Variants in ERICH1 observed in about 807,000 individuals in gnomAD.
The protein encoded by ERICH1 is glutamate-rich protein 1.
In ERICH1, 56 loss-of-function variants were observed where a neutral mutation model predicts 39.6. The observed-to-expected ratio is 1.41, with a 90% CI of 1.14 to 1.77. The LOEUF (loss-of-function observed/expected upper bound fraction) is 1.77, where lower values mean the gene tolerates loss of function less well. Among genes scored for constraint, ERICH1 ranks in the 40% most tolerant of loss-of-function variants. The pLI, the probability that ERICH1 is intolerant of heterozygous loss-of-function variation, is 0.00. For synonymous variants in ERICH1, 313 were observed against 223.6 expected (o/e 1.40, Z -3.57); for missense variants, 826 against 575.4 (o/e 1.44, Z -4.45).
At chr8:674,442 A>C (rs1804199217) in intron 3 of ERICH1, among the ~76,000 whole-genome samples, 1 of 152,020 alleles carries the variant, frequency 6.6e-6, no homozygotes, top group African/African-American at 2.4e-5. Context: ...AGCTGGGAGT[A>C]CAGGCAAGCA....
intron 3 of ERICH1, among the ~76,000 whole-genome samples, chr8:678,817 G>C (rs1805441304): frequency 6.6e-6 from 1 of 152,190 alleles, no homozygotes; most frequent in African/African-American, 2.4e-5. Context: ...CAAAAGAAAA[G>C]AAAAAGCCAA....
At chr8:620,110 G>A (rs776617148) in intron 3 of ERICH1, among the ~76,000 whole-genome samples, 40 of 151,534 alleles carry the variant, frequency 2.6e-4, no homozygotes, top group African/African-American at 9.2e-4. Context: ...TCAGGAGTTC[G>A]AAACCAGCCT....
In ERICH1 at chr8:731,223, C is replaced by A; in HGVS notation, c.-62G>T. On this transcript the variant is annotated 5_prime_UTR_variant, in exon 1 of 6. Transcript: ENST00000262109. Reference sequence around the variant, plus strand: ...GGTCCTGAGCTGAGCGCCGTGCCTTCCGGGTTCCGCCCTCCTGGGTCCGCC... The same window carrying A: ...GGTCCTGAGCTGAGCGCCGTGCCTTACGGGTTCCGCCCTCCTGGGTCCGCC... 7.1e-7 allele frequency: 1 copy of A among 1,407,090 alleles called. No homozygotes were observed. The highest frequency in any genetic ancestry group is 9.3e-7 in the Non-Finnish European group (1 of 1,080,494). 87.2% of individuals were successfully genotyped at this position (1,407,090 alleles called of 1,614,324 possible).
intron 3 of ERICH1, among the ~76,000 whole-genome samples, chr8:686,127 C>T (rs1226673226): frequency 1.3e-5 from 2 of 152,162 alleles, no homozygotes; most frequent in Non-Finnish European, 2.9e-5. Flanking sequence ...TGCACTCCAG[C>T]TGGGATGACA....
At chr8:637,253 GT>G (rs368157994) in intron 3 of ERICH1, among the ~76,000 whole-genome samples, 1 of 152,172 alleles carries the variant, frequency 6.6e-6, no homozygotes, top group Admixed American at 6.5e-5. Flanking sequence ...CAACAGCCTC[GT>G]CCCCGGCATC....
chr8:670,598 G>A lies in ERICH1; in HGVS notation c.1064-1806C>T, dbSNP rs190210231. 3.7e-3 allele frequency among the ~76,000 whole-genome samples: 569 copies of A among 152,286 alleles called. 8 individuals carry two copies. Among genetic ancestry groups the A allele is most frequent in the African/African-American group, 0.012 (512 of 41,562 alleles). ...CTCTGCTGGGCTCGAGGGTCAGGCC[G>A]ATCCTCATCTCATCAGCACCTCAAG... On this transcript the variant is annotated intron_variant, in intron 4 of 5. Coordinates refer to ENST00000262109, the MANE Select transcript of ERICH1 (RefSeq NM_207332.3).
chr8:644,389 A>C (rs1799365556), intron 3 of ERICH1, among the ~76,000 whole-genome samples: 1 of 72,118 alleles, frequency 1.4e-5, no homozygotes, highest in Non-Finnish European at 4.5e-5. Context: ...AAAAATTGTC[A>C]AAGTCAAGGA....
chr8:680,445 G>C lies in ERICH1; in HGVS notation c.305-6398C>G, dbSNP rs555976959. On this transcript the variant is annotated intron_variant, in intron 3 of 5. Coordinates refer to ENST00000262109, the MANE Select transcript of ERICH1 (RefSeq NM_207332.3). ...CTGCCACCCCTCCCCTGAAAACACA[G>C]AAAGTCCAAGAGAATACACAGCTGC... Among the ~76,000 whole-genome samples the C allele has an allele frequency of 2.0e-5, 3 of 146,454 alleles. No homozygotes were observed. In the South Asian group the frequency reaches 6.6e-4, roughly 32 times the overall value.
chr8:656,393 G>A (rs935594845), intron 3 of ERICH1, among the ~76,000 whole-genome samples: 23 of 152,152 alleles, frequency 1.5e-4, no homozygotes, highest in African/African-American at 5.6e-4. Flanking sequence ...CGTCCTTGTT[G>A]GGTTTGGTTA....
Position 646,239 on chromosome 8 carries a change from C to A in ERICH1, c.976+22359G>T, listed in dbSNP as rs1283807857. On this transcript the variant is annotated intron_variant, in intron 3 of 3. Transcript: ENST00000522706. ...GCTTACTCAAACTGGCTTCCCAATG[C>A]CACAAACTAGAGTGACTTTGAGAAA... is the stretch of plus-strand genomic sequence containing the variant. 7.3e-5 allele frequency among the ~76,000 whole-genome samples: 5 copies of A among 68,134 alleles called. 2 individuals are homozygous for A. Among genetic ancestry groups the A allele is most frequent in the Admixed American group, 6.3e-4 (5 of 7,888 alleles). 44.7% of individuals were successfully genotyped at this position (68,134 alleles called of 152,430 possible).
At position 623,833 on chromosome 8, in the gene ERICH1, T is replaced by C. The variant is rs113183366; in HGVS notation, c.977-8549A>G. On this transcript the variant is annotated intron_variant, in intron 3 of 3. Coordinates refer to the ERICH1 transcript ENST00000522706. ...AACACAGGTATAAGTCTTCATGACC[T>C]TGGATCAGACCATGGTCTCTTAGAT... Among the ~76,000 whole-genome samples the C allele has an allele frequency of 7.3e-3, 1,107 of 152,296 alleles. 13 individuals carry two copies. Among genetic ancestry groups the C allele is most frequent in the Middle Eastern group, 0.017 (5 of 294 alleles).
At chr8:634,168 C>CAAAAAAAAAAA (rs56687918) in intron 3 of ERICH1, among the ~76,000 whole-genome samples, 1 of 91,998 alleles carries the variant, frequency 1.1e-5, no homozygotes, top group Non-Finnish European at 2.3e-5. Flanking sequence ...TCCTAAAACT[C>CAAAAAAAAAAA]AAAAAAAAAA....
At chr8:643,309 G>T (rs1395313570) in intron 3 of ERICH1, among the ~76,000 whole-genome samples, 1 of 152,246 alleles carries the variant, frequency 6.6e-6, no homozygotes, top group Non-Finnish European at 1.5e-5. Flanking sequence ...GCAGGGACGG[G>T]AAGCTGGCCA....
chr8:660,539 C>G (rs1801270694), downstream of ERICH1, among the ~76,000 whole-genome samples: 2 of 152,232 alleles, frequency 1.3e-5, no homozygotes, highest in Non-Finnish European at 2.9e-5. Context: ...TGAGTCCCCA[C>G]ACAGAGGTCC....
chr8:686,247 A>T (rs182083252), intron 3 of ERICH1, among the ~76,000 whole-genome samples: 3 of 152,324 alleles, frequency 2.0e-5, no homozygotes, highest in Admixed American at 6.5e-5. Flanking sequence ...TAAAATATTC[A>T]TAAATCACTC....
intron 3 of ERICH1, among the ~76,000 whole-genome samples, chr8:657,364 A>C (rs528914658): frequency 3.3e-5 from 5 of 150,638 alleles, no homozygotes; most frequent in African/African-American, 1.2e-4. Context: ...GCAGGACTGG[A>C]GTGTCTCTGG....
In ERICH1 at chr8:710,445, T is replaced by C. The variant is rs1224621500; in HGVS notation, c.169+5416A>G. Among the ~76,000 whole-genome samples, 75 of 116,358 alleles carry C rather than the reference T, an allele frequency of 6.4e-4. No individual in the cohort carries two copies. In the East Asian group the frequency reaches 7.7e-3, roughly 12 times the overall value. The allele number at this position is 116,358 out of a possible 152,430, so 76.3% of individuals were successfully genotyped here. A position where few individuals can be genotyped will look rare whatever the true frequency, so the allele number is the denominator to read the frequency against. ...TTGGCATCGTACGGGGCGGTTTCAC[T>C]GTCCTGCAAGTCCTCTGGGCTCCAC... On this transcript the variant is annotated intron_variant, in intron 2 of 5. Coordinates refer to ENST00000262109, the MANE Select transcript of ERICH1 (RefSeq NM_207332.3).
chr8:627,431 C>T (rs1417402392), intron 3 of ERICH1, among the ~76,000 whole-genome samples: 1 of 152,214 alleles, frequency 6.6e-6, no homozygotes, highest in African/African-American at 2.4e-5. Context: ...GCCCCTCTCC[C>T]AGGGGTCAGG....
intron 3 of ERICH1, among the ~76,000 whole-genome samples, chr8:627,732 G>A (rs1044955979): frequency 2.6e-5 from 4 of 152,320 alleles, no homozygotes; most frequent in Admixed American, 2.6e-4. Flanking sequence ...AGAGTTCCAT[G>A]TTCAGCCGCA....
Sources: gnomAD v4.1 joint callset for allele counts (sites outside exome capture counted in the v4.1 genomes callset) on GRCh38, gnomAD v4.1.1 for gene constraint, MANE v1.5 for transcripts, NCBI Gene and HGNC (gene_info 2026-07-23, HGNC 2026-07-21) for gene names.